ZNF385D: variants seen among roughly 807,000 people sequenced by gnomAD.
The protein encoded by ZNF385D is zinc finger protein 659.
In ZNF385D, 15 loss-of-function variants were observed where a neutral mutation model predicts 35.8. That is an observed-to-expected ratio of 0.42 (90% CI 0.28 to 0.64). ZNF385D has a LOEUF of 0.64. Ranked by LOEUF, ZNF385D falls within the 30% of genes least tolerant of loss-of-function variation. ZNF385D has a pLI of 0.23. For synonymous variants in ZNF385D, 212 were observed against 186.8 expected, an observed-to-expected ratio of 1.13 and a Z score of -1.10; for missense variants, 474 against 494.6, an observed-to-expected ratio of 0.96 and a Z score of 0.39.
chr3:21,582,729 A>C (rs924167260), intron 2 of ZNF385D, among the ~76,000 whole-genome samples: 3 of 151,862 alleles, frequency 2.0e-5, no homozygotes, highest in African/African-American at 7.3e-5. Flanking sequence ...AGGTACAGTC[A>C]CCTTTTGGTT....
At chr3:22,296,959 G>A (rs1307450363) in intron 2 of ZNF385D, among the ~76,000 whole-genome samples, 1 of 152,068 alleles carries the variant, frequency 6.6e-6, no homozygotes, top group Non-Finnish European at 1.5e-5. Flanking sequence ...TCTACCCTTG[G>A]AAATAGTAAC....
intron 3 of ZNF385D, among the ~76,000 whole-genome samples, chr3:21,785,082 C>T (rs549383918): frequency 5.3e-5 from 8 of 152,224 alleles, no homozygotes; most frequent in Admixed American, 3.9e-4. Flanking sequence ...GGCGTCACCC[C>T]TGGTTCCCTG....
chr3:22,033,463 A>G (rs1207200063), intron 3 of ZNF385D, among the ~76,000 whole-genome samples: 13 of 150,566 alleles, frequency 8.6e-5, no homozygotes, highest in Non-Finnish European at 1.0e-4. Context: ...TGAGTTAAAG[A>G]CATAAGCTAA....
rs909023790 is a variant in ZNF385D at position 21,884,941 on chromosome 3, A to C, written c.326-219913T>G. On this transcript the variant is annotated intron_variant, in intron 3 of 5. Transcript: ENST00000494108. Reference sequence around the variant, plus strand: ...TTTGTAAATAAAGTTTTTCAGGGAGAATACAGCCATGCTCACTTATTTTCA... The same window carrying C: ...TTTGTAAATAAAGTTTTTCAGGGAGCATACAGCCATGCTCACTTATTTTCA... Among the ~76,000 whole-genome samples, 3 of 152,006 alleles carry C rather than the reference A, an allele frequency of 2.0e-5. No homozygotes were observed. In the East Asian group the frequency reaches 5.8e-4, roughly 29 times the overall value.
At chr3:21,477,520 A>G (rs992407686) in intron 4 of ZNF385D, among the ~76,000 whole-genome samples, 1 of 152,116 alleles carries the variant, frequency 6.6e-6, no homozygotes, top group African/African-American at 2.4e-5. Flanking sequence ...TCTCCCTAAC[A>G]TACTGTTTTG....
intron 3 of ZNF385D, among the ~76,000 whole-genome samples, chr3:21,799,199 G>A (rs905654405): frequency 2.0e-5 from 3 of 152,132 alleles, no homozygotes; most frequent in African/African-American, 7.2e-5. Flanking sequence ...TACCTATTAA[G>A]CAGTTGATGG....
chr3:22,262,037 A>G (rs1056395044), intron 2 of ZNF385D, among the ~76,000 whole-genome samples: 9 of 152,042 alleles, frequency 5.9e-5, no homozygotes, highest in African/African-American at 2.2e-4. Flanking sequence ...AACTTGCAGC[A>G]TATTATCATA....
intron 1 of ZNF385D, among the ~76,000 whole-genome samples, chr3:21,743,903 A>G (rs17009431): frequency 0.091 from 13,850 of 152,316 alleles, 958 homozygotes; most frequent in East Asian, 0.28. Context: ...TATGAATTGT[A>G]ATTTCACAAA....
intron 1 of ZNF385D, among the ~76,000 whole-genome samples, chr3:21,700,865 A>G (rs533578152): frequency 6.6e-6 from 1 of 152,320 alleles, no homozygotes; most frequent in Non-Finnish European, 1.5e-5. Context: ...ATTTCCTGTA[A>G]TGCTTTATGT....
At chr3:22,264,019 A>T (rs1700766579) in intron 2 of ZNF385D, among the ~76,000 whole-genome samples, 4 of 152,166 alleles carry the variant, frequency 2.6e-5, no homozygotes, top group African/African-American at 9.6e-5. Flanking sequence ...TCATAACTGT[A>T]GTCATGAGCA....
intron 2 of ZNF385D, among the ~76,000 whole-genome samples, chr3:22,358,852 T>C (rs568623339): frequency 2.0e-5 from 3 of 151,730 alleles, no homozygotes; most frequent in South Asian, 2.1e-4. Context: ...GGATGCCTAG[T>C]GGGGCTTAAA....
intron 3 of ZNF385D, among the ~76,000 whole-genome samples, chr3:22,030,457 G>C (rs1697926181): frequency 6.6e-6 from 1 of 150,802 alleles, no homozygotes; most frequent in Non-Finnish European, 1.5e-5. Flanking sequence ...GAGGGAGAGA[G>C]AGAGGGAGGG....
intron 3 of ZNF385D, among the ~76,000 whole-genome samples, chr3:21,911,505 G>C (rs911113866): frequency 6.9e-4 from 105 of 151,846 alleles, no homozygotes; most frequent in African/African-American, 2.5e-3. Context: ...TTTTTTATTT[G>C]TATTATGGCC....
chr3:21,832,682 C>G (rs1695074680), intron 3 of ZNF385D, among the ~76,000 whole-genome samples: 1 of 152,152 alleles, frequency 6.6e-6, no homozygotes, highest in Non-Finnish European at 1.5e-5. Context: ...ATGGTAAGGT[C>G]ATGCCATCCT....
intron 4 of ZNF385D, among the ~76,000 whole-genome samples, chr3:21,494,866 A>G (rs566877572): frequency 6.6e-6 from 1 of 152,310 alleles, no homozygotes; most frequent in South Asian, 2.1e-4. Context: ...TATAAATTAC[A>G]TACCCTTGAC....
chr3:21,595,260 A>C (rs2064095889), intron 2 of ZNF385D, among the ~76,000 whole-genome samples: 1 of 152,032 alleles, frequency 6.6e-6, no homozygotes, highest in Admixed American at 6.6e-5. Context: ...ACCTTTATTC[A>C]GTTCTTTACT....
At chr3:22,253,233 A>G (rs1177280185) in intron 2 of ZNF385D, among the ~76,000 whole-genome samples, 1 of 152,058 alleles carries the variant, frequency 6.6e-6, no homozygotes, top group Non-Finnish European at 1.5e-5. Flanking sequence ...GCTGTTCAGA[A>G]GGTTCTAAAC....
intron 3 of ZNF385D, among the ~76,000 whole-genome samples, chr3:22,123,412 T>G (rs1419342172): frequency 2.0e-5 from 3 of 152,186 alleles, no homozygotes; most frequent in Non-Finnish European, 4.4e-5. Flanking sequence ...TGTATATATT[T>G]ATAAAATATT....
intron 2 of ZNF385D, among the ~76,000 whole-genome samples, chr3:22,220,223 C>T (rs774738014): frequency 6.6e-6 from 1 of 151,972 alleles, no homozygotes; most frequent in Non-Finnish European, 1.5e-5. Flanking sequence ...GCCACCACAC[C>T]AGGCTAATGA....
Sources: gnomAD v4.1 joint callset for allele counts (sites outside exome capture counted in the v4.1 genomes callset) on GRCh38, gnomAD v4.1.1 for gene constraint, MANE v1.5 for transcripts, NCBI Gene and HGNC (gene_info 2026-07-23, HGNC 2026-07-21) for gene names.